The following CNBD1 variants were observed in gnomAD, a reference collection of about 807,000 sequenced individuals.
CNBD1 encodes cyclic nucleotide-binding domain-containing protein 1.
In CNBD1, 71 loss-of-function variants were observed where a neutral mutation model predicts 54.4. The ratio of observed to expected loss-of-function variants is 1.30; its 90% CI spans 1.08 to 1.59. The LOEUF (loss-of-function observed/expected upper bound fraction) is 1.59. Among genes scored for constraint, CNBD1 ranks in the 40% most tolerant of loss-of-function variants. The pLI is 0.00. For missense variants in CNBD1, 659 were observed against 518.0 expected (o/e 1.27, Z -2.64); for synonymous variants, 182 against 170.7 (o/e 1.07, Z -0.51).
intron 10 of CNBD1, among the ~76,000 whole-genome samples, chr8:87,376,875 G>T (rs1322771579): frequency 2.0e-5 from 3 of 151,698 alleles, no homozygotes; most frequent in Admixed American, 6.6e-5. Context: ...TTATTTTATA[G>T]ATTAAAAATC....
intron 8 of CNBD1, among the ~76,000 whole-genome samples, chr8:87,329,099 G>A (rs1809756674): frequency 6.6e-6 from 1 of 151,536 alleles, no homozygotes; most frequent in Non-Finnish European, 1.5e-5. Flanking sequence ...TAATTTTTGT[G>A]AAAAGTATAT....
Position 87,325,142 on chromosome 8 carries a change from G to C in CNBD1, c.1043-26543G>C, listed in dbSNP as rs1334981572. Among the ~76,000 whole-genome samples, 2 of 95,128 alleles carry C rather than the reference G, an allele frequency of 2.1e-5. 1 individual carries two copies. The highest frequency in any genetic ancestry group is 4.1e-5 in the Non-Finnish European group (2 of 48,730). The allele number at this position is 95,128 out of a possible 152,430, so 62.4% of individuals were successfully genotyped here. A position where few individuals can be genotyped will look rare whatever the true frequency, so the allele number is the denominator to read the frequency against. On this transcript the variant is annotated intron_variant, in intron 8 of 10. Coordinates refer to ENST00000518476, the MANE Select transcript of CNBD1 (RefSeq NM_173538.3). ...GTGAGATTCTTAATCCTGAGTTCTAGTTTGATTTCACTGTGGTCTGAGAGA... is the reference window on the plus strand; with the variant it reads ...GTGAGATTCTTAATCCTGAGTTCTACTTTGATTTCACTGTGGTCTGAGAGA...
chr8:87,203,585 A>T (rs1336728515), intron 4 of CNBD1, among the ~76,000 whole-genome samples: 1 of 152,196 alleles, frequency 6.6e-6, no homozygotes, highest in African/African-American at 2.4e-5. Flanking sequence ...TCTCTTCTGT[A>T]GTTTGCCTCT....
chr8:87,217,277 A>G (rs1814233283), intron 5 of CNBD1, among the ~76,000 whole-genome samples: 1 of 152,134 alleles, frequency 6.6e-6, no homozygotes, highest in South Asian at 2.1e-4. Context: ...AACTTCTAAT[A>G]AGATGTATTG....
At chr8:86,905,386 C>T (rs1366251293) in intron 3 of CNBD1, among the ~76,000 whole-genome samples, 192 bp downstream of exon 3, 1 of 152,122 alleles carries the variant, frequency 6.6e-6, no homozygotes, top group Non-Finnish European at 1.5e-5. Flanking sequence ...AGCAAAAATA[C>T]GTGTCCACTG....
At chr8:87,304,384 G>A (rs1157285140) in intron 8 of CNBD1, among the ~76,000 whole-genome samples, 1 of 151,836 alleles carries the variant, frequency 6.6e-6, no homozygotes, top group Non-Finnish European at 1.5e-5. Context: ...ACTATCACAA[G>A]GACAAAAAAC....
At chr8:86,945,157 A>T (rs1238091648) in intron 4 of CNBD1, among the ~76,000 whole-genome samples, 1 of 152,186 alleles carries the variant, frequency 6.6e-6, no homozygotes, top group Non-Finnish European at 1.5e-5. Context: ...TGGGGAAAAA[A>T]AGTTATGTTT....
At chr8:87,345,833 T>G (rs1478063322) in intron 8 of CNBD1, among the ~76,000 whole-genome samples, 1 of 152,142 alleles carries the variant, frequency 6.6e-6, no homozygotes, top group Non-Finnish European at 1.5e-5. Context: ...CCCAGAGTAA[T>G]TAAGTCTGTT....
intron 4 of CNBD1, among the ~76,000 whole-genome samples, chr8:87,106,984 G>A (rs897981185): frequency 2.6e-5 from 4 of 151,664 alleles, no homozygotes; most frequent in East Asian, 1.9e-4. Flanking sequence ...ACCCACCACC[G>A]TGCCCGGCTA....
At chr8:87,274,436 T>C (rs1368874701) in intron 6 of CNBD1, among the ~76,000 whole-genome samples, 2 of 146,824 alleles carry the variant, frequency 1.4e-5, no homozygotes, top group South Asian at 2.2e-4. Flanking sequence ...GCACCTGTTG[T>C]TTCCTGACTT....
At chr8:87,373,331 A>T (rs891032948) in intron 10 of CNBD1, among the ~76,000 whole-genome samples, 1 of 151,796 alleles carries the variant, frequency 6.6e-6, no homozygotes, top group African/African-American at 2.4e-5. Flanking sequence ...GTAATATTGA[A>T]ATATATTGTT....
intron 4 of CNBD1, among the ~76,000 whole-genome samples, chr8:87,170,668 C>T (rs1261283864): frequency 6.6e-6 from 1 of 152,030 alleles, no homozygotes; most frequent in Admixed American, 6.6e-5. Flanking sequence ...GAGGCATGTT[C>T]TTTCTATACC....
At chr8:86,890,075 C>A (rs551184534) in intron 2 of CNBD1, among the ~76,000 whole-genome samples, 1 of 151,866 alleles carries the variant, frequency 6.6e-6, no homozygotes, top group South Asian at 2.1e-4. Flanking sequence ...TTAATATATC[C>A]ATCACTTCTC....
intron 10 of CNBD1, among the ~76,000 whole-genome samples, chr8:87,380,994 A>G (rs763231197): frequency 5.3e-5 from 8 of 152,036 alleles, no homozygotes; most frequent in Non-Finnish European, 1.0e-4. Context: ...CAATGACTTC[A>G]TGGATGTGAC....
chr8:87,409,882 G>T (rs923414210), intron 2 of CNBD1, among the ~76,000 whole-genome samples: 2 of 151,962 alleles, frequency 1.3e-5, no homozygotes, highest in African/African-American at 4.8e-5. Flanking sequence ...AATTAGCCTG[G>T]TGTGGTGGTG....
intron 4 of CNBD1, among the ~76,000 whole-genome samples, chr8:87,050,806 G>T (rs1032664360): frequency 1.3e-5 from 2 of 152,262 alleles, no homozygotes; most frequent in East Asian, 1.9e-4. Context: ...TCCTAATATT[G>T]GATGTTGCAG....
At chr8:87,086,936 C>G (rs189736753) in intron 4 of CNBD1, among the ~76,000 whole-genome samples, 2 of 152,026 alleles carry the variant, frequency 1.3e-5, no homozygotes, top group Admixed American at 1.3e-4. Context: ...AGTGAATGTG[C>G]TTTCTCATAA....
At chr8:87,390,756 C>A (rs542688243) in intron 2 of CNBD1, among the ~76,000 whole-genome samples, 6,538 of 151,868 alleles carry the variant, frequency 0.043, 181 homozygotes, top group Non-Finnish European at 0.059. Flanking sequence ...TACCCGAAGG[C>A]TTATAAAACA....
At chr8:87,022,766 C>T (rs1432683101) in intron 4 of CNBD1, among the ~76,000 whole-genome samples, 1 of 152,170 alleles carries the variant, frequency 6.6e-6, no homozygotes, top group African/African-American at 2.4e-5. Context: ...AGTCTAATTG[C>T]AAGTTGATTC....
Sources: allele counts gnomAD v4.1 joint callset (sites outside exome capture counted in the v4.1 genomes callset), GRCh38; gene constraint gnomAD v4.1.1; transcripts MANE v1.5; gene names NCBI Gene and HGNC (gene_info 2026-07-23, HGNC 2026-07-21).